Variants in NLRP1 observed in about 807,000 individuals in gnomAD.
The protein encoded by NLRP1 is NACHT, LRR and PYD domains-containing protein 1.
NLRP1 carries 94 observed loss-of-function variants against 136.7 expected under a neutral mutation model. The observed-to-expected ratio is 0.69, with a 90% CI of 0.58 to 0.82. NLRP1 has a LOEUF of 0.82. Ranked by LOEUF, NLRP1 falls within the 40% of genes least tolerant of loss-of-function variation. NLRP1 has a pLI of 0.00. For synonymous variants in NLRP1, 690 were observed against 725.1 expected, an observed-to-expected ratio of 0.95 and a Z score of 0.78; for missense variants, 1,575 against 1,802.7, an observed-to-expected ratio of 0.87 and a Z score of 2.29.
downstream of NLRP1, among the ~76,000 whole-genome samples, chr17:5,513,852 G>A (rs76349026): frequency 0.011 from 1,670 of 152,268 alleles, 127 homozygotes; most frequent in South Asian, 0.17. Context: ...AGGGACCTCC[G>A]GTTGTCCTCG....
chr17:5,536,268 A>C (rs11654999), intron 8 of NLRP1, among the ~76,000 whole-genome samples: 7,089 of 145,642 alleles, frequency 0.049, 191 homozygotes, highest in Middle Eastern at 0.096. Flanking sequence ...CCTGCCTCAG[A>C]CTCCCAAGTA....
intron 5 of NLRP1, 124 bp downstream of exon 5, chr17:5,553,262 C>T (rs116983527): frequency 5.5e-5 from 46 of 836,530 alleles, no homozygotes; most frequent in African/African-American, 1.0e-4. Context: ...AAAGTCATCC[C>T]GGCCAGAGAA....
intron 11 of NLRP1, among the ~76,000 whole-genome samples, chr17:5,531,374 T>C (rs60808948): frequency 0.057 from 8,635 of 152,142 alleles, 285 homozygotes; most frequent in Middle Eastern, 0.099. Flanking sequence ...TGTCACCACG[T>C]CCAGCTAATT....
At chr17:5,552,183 G>T (rs2151792692) in intron 5 of NLRP1, among the ~76,000 whole-genome samples, 1 of 144,590 alleles carries the variant, frequency 6.9e-6, no homozygotes, top group African/African-American at 2.6e-5. Context: ...ATACATTTTG[G>T]CATGTTGTGA....
intron 14 of NLRP1, chr17:5,518,186 C>T (rs1472946677): frequency 3.9e-6 from 1 of 253,620 alleles, no homozygotes; most frequent in African/African-American, 2.2e-5. Flanking sequence ...ATTTCTCCAG[C>T]CCAAAGCCTG....
chr17:5,512,620 A>C, downstream of NLRP1: 4 of 460,848 alleles, frequency 8.7e-6, no homozygotes, highest in South Asian at 8.8e-5. Context: ...AGACAAGGCC[A>C]GTCTCATGGG....
In NLRP1 at chr17:5,559,537, C is replaced by G; in HGVS notation, c.1159G>C (p.Asp387His). The G allele has an allele frequency of 6.2e-7, 1 of 1,614,180 alleles. No individual in the cohort carries two copies. The stretch of plus-strand genomic sequence containing the variant: ...ATGGGAGCCGGAGTGGCTGTCCCAT[C>G]TTTTCCGATGAGCTCAGCGAGACTC... ...VVSLAELIGKDGTATPAPIRQ... is the reference protein window; with the variant it reads ...VVSLAELIGKHGTATPAPIRQ... Residue 387 changes from aspartate (D) to histidine (H), a missense_variant, in exon 4 of 17, where the codon GAT becomes CAT. Transcript: ENST00000572272.
chr17:5,529,909 G>C, intron 12 of NLRP1: 1 of 439,862 alleles, frequency 2.3e-6, no homozygotes, highest in South Asian at 1.6e-5. Flanking sequence ...TGAGATTTTT[G>C]ACTGTTAGCT....
intron 5 of NLRP1, among the ~76,000 whole-genome samples, chr17:5,543,853 C>T (rs1289940975): frequency 3.3e-5 from 5 of 152,022 alleles, no homozygotes; most frequent in Non-Finnish European, 7.4e-5. Context: ...AAGCTGCTGT[C>T]ACTTACTGAG....
At chr17:5,552,084 CTTTTTTTTTTTT>C (rs71151872) in intron 5 of NLRP1, among the ~76,000 whole-genome samples, 1,727 of 96,814 alleles carry the variant, frequency 0.018, 51 homozygotes, top group African/African-American at 0.081. Context: ...TCTATCTTTC[CTTTTTTTTTTTT>C]TTTTTTTTTT....
At chr17:5,512,658 C>T (rs1393895708), downstream of NLRP1, 1 of 341,150 alleles carries the variant, frequency 2.9e-6, no homozygotes, top group Non-Finnish European at 5.5e-6. Flanking sequence ...CACACAGAGC[C>T]CTGAGCTCAG....
intron 16 of NLRP1, among the ~76,000 whole-genome samples, 188 bp downstream of exon 16, chr17:5,515,285 G>A (rs975390591): frequency 1.5e-4 from 23 of 152,222 alleles, no homozygotes; most frequent in Admixed American, 2.6e-4. Context: ...TGTCAGATAA[G>A]GAATTCTAGG....
chr17:5,560,919 C>T lies in NLRP1; in HGVS notation c.653-876G>A, dbSNP rs149025391. ...CTGTGAGAAGCTGAGGTTATATACA[C>T]CATTGTTTCCCAGGGAGGGACCTCA... On this transcript the variant is annotated intron_variant, in intron 3 of 16. Coordinates refer to ENST00000572272, the MANE Select transcript of NLRP1 (RefSeq NM_033004.4). Among the ~76,000 whole-genome samples the T allele has an allele frequency of 2.6e-4, 40 of 152,340 alleles. No homozygotes were observed. In the East Asian group the frequency reaches 7.7e-3, roughly 29 times the overall value.
chr17:5,531,211 T>G (rs1910229368), intron 11 of NLRP1, among the ~76,000 whole-genome samples: 1 of 145,830 alleles, frequency 6.9e-6, no homozygotes, highest in African/African-American at 2.5e-5. Context: ...TATCTATCTA[T>G]CTATCTATCT....
intron 3 of NLRP1, among the ~76,000 whole-genome samples, chr17:5,563,827 T>A (rs1011303464): frequency 6.6e-6 from 1 of 152,184 alleles, no homozygotes; most frequent in African/African-American, 2.4e-5. Context: ...AGTTCTCAGA[T>A]TCCCCAAGTC....
At chr17:5,526,034 G>A (rs1316278364) in intron 12 of NLRP1, among the ~76,000 whole-genome samples, 1 of 150,774 alleles carries the variant, frequency 6.6e-6, no homozygotes, top group Admixed American at 6.6e-5. Context: ...GGAGTGCAGT[G>A]CACGATCATG....
At chr17:5,566,464 G>A (rs1050489181) in intron 3 of NLRP1, among the ~76,000 whole-genome samples, 4 of 151,972 alleles carry the variant, frequency 2.6e-5, no homozygotes, top group African/African-American at 9.7e-5. Flanking sequence ...ATGTATTTAT[G>A]TAGTTTTCTA....
intron 13 of NLRP1, 68 bp downstream of exon 13, chr17:5,521,456 C>G: frequency 6.5e-7 from 1 of 1,535,618 alleles, no homozygotes. Flanking sequence ...CTCTAGGGGG[C>G]TCTCTGGCTG....
chr17:5,513,862 G>A (rs979117526), downstream of NLRP1, among the ~76,000 whole-genome samples: 5 of 152,134 alleles, frequency 3.3e-5, no homozygotes, highest in Admixed American at 6.5e-5. Context: ...GGTTGTCCTC[G>A]CTGCTCATTA....
Sources: gnomAD v4.1 joint callset for allele counts (sites outside exome capture counted in the v4.1 genomes callset) on GRCh38, gnomAD v4.1.1 for gene constraint, MANE v1.5 for transcripts, NCBI Gene and HGNC (gene_info 2026-07-23, HGNC 2026-07-21) for gene names.